The following EXOC6 variants were observed in gnomAD, a reference collection of about 807,000 sequenced individuals.
The protein encoded by EXOC6 is SEC15-like 1.
EXOC6 carries 60 observed loss-of-function variants against 112.5 expected under a neutral mutation model. That is an observed-to-expected ratio of 0.53 (90% CI 0.43 to 0.66). EXOC6 has a LOEUF of 0.66. Among genes scored for constraint, EXOC6 ranks in the 30% least tolerant of loss-of-function variants. EXOC6 has a pLI of 0.00. For missense variants in EXOC6, 855 were observed against 957.1 expected (o/e 0.89, Z 1.41); for synonymous variants, 295 against 308.0 (o/e 0.96, Z 0.44).
intron 6 of EXOC6, among the ~76,000 whole-genome samples, chr10:92,911,235 A>G (rs1344303790): frequency 6.6e-6 from 1 of 152,150 alleles, no homozygotes; most frequent in Non-Finnish European, 1.5e-5. Context: ...AAGTATTACA[A>G]ACTACTTTGG....
At chr10:93,012,860 A>G (rs956248211) in intron 19 of EXOC6, among the ~76,000 whole-genome samples, 2 of 151,942 alleles carry the variant, frequency 1.3e-5, no homozygotes, top group African/African-American at 4.8e-5. Context: ...GCAATACCCT[A>G]TCTCTACCAA....
chr10:92,980,093 T>C (rs1842775118), intron 18 of EXOC6, among the ~76,000 whole-genome samples: 1 of 152,142 alleles, frequency 6.6e-6, no homozygotes. Flanking sequence ...CTGCTAAATA[T>C]AGTATCTTCA....
intron 1 of EXOC6, among the ~76,000 whole-genome samples, chr10:92,867,601 T>A (rs1330232373): frequency 6.6e-6 from 1 of 152,132 alleles, no homozygotes; most frequent in Non-Finnish European, 1.5e-5. Flanking sequence ...TCCAAAACTA[T>A]TAAAAGATAA....
At chr10:92,913,238 T>C (rs1414163546) in intron 6 of EXOC6, among the ~76,000 whole-genome samples, 6 of 152,242 alleles carry the variant, frequency 3.9e-5, no homozygotes, top group Non-Finnish European at 8.8e-5. Flanking sequence ...ATACTGTTAA[T>C]GTTATTTGTT....
At chr10:92,971,496 T>G (rs1212405807) in intron 17 of EXOC6, among the ~76,000 whole-genome samples, 1 of 152,150 alleles carries the variant, frequency 6.6e-6, no homozygotes, top group African/African-American at 2.4e-5. Context: ...TGCCTCAGCC[T>G]CCCAAGTAGC....
chr10:92,999,304 C>A, intron 19 of EXOC6: 1 of 390,648 alleles, frequency 2.6e-6, no homozygotes, highest in Non-Finnish European at 5.0e-6. Context: ...CTCAAGTCAT[C>A]CTCCTGCCTT....
upstream of EXOC6, among the ~76,000 whole-genome samples, chr10:92,831,993 T>C (rs1468688744): frequency 6.6e-6 from 1 of 152,234 alleles, no homozygotes; most frequent in Non-Finnish European, 1.5e-5. Context: ...TATTTAGAAC[T>C]GGATCAGTCA....
rs1453096358 is a variant in EXOC6, at chr10:92,991,749, CTCTCTG to C, written c.1954-5723_1954-5718del. Among the ~76,000 whole-genome samples, 5 of 138,134 alleles carry C rather than the reference CTCTCTG, an allele frequency of 3.6e-5. No individual in the cohort carries two copies. In the East Asian group the frequency reaches 8.2e-4, roughly 23 times the overall value. 90.6% of individuals were successfully genotyped at this position (138,134 alleles called of 152,430 possible). ...TTTCTCTCTCTCTCTCTCTCTCTCT[CTCTCTG>C]TATGTGTGTGTGTCTTAAGAGTAGA... On this transcript the variant is annotated intron_variant, in intron 18 of 21. Coordinates refer to ENST00000260762, the MANE Select transcript of EXOC6 (RefSeq NM_019053.6).
chr10:92,912,368 A>G (rs1405356460), intron 6 of EXOC6, among the ~76,000 whole-genome samples: 1 of 152,024 alleles, frequency 6.6e-6, no homozygotes, highest in Non-Finnish European at 1.5e-5. Flanking sequence ...GAAATAATAG[A>G]CACACACAAG....
chr10:92,975,626 C>G (rs966658405), intron 18 of EXOC6, among the ~76,000 whole-genome samples: 23 of 143,190 alleles, frequency 1.6e-4, no homozygotes, highest in Non-Finnish European at 3.1e-4. Flanking sequence ...GGGGGGTCAG[C>G]CCCCTGCCCG....
At chr10:92,869,330 A>G (rs1848328555) in intron 1 of EXOC6, among the ~76,000 whole-genome samples, 1 of 151,046 alleles carries the variant, frequency 6.6e-6, no homozygotes, top group Non-Finnish European at 1.5e-5. Context: ...AAAAAATGAG[A>G]CAGGGTCGCA....
chr10:92,982,556 A>G lies in EXOC6; in HGVS notation c.1953+8324A>G, dbSNP rs374209513. Among the ~76,000 whole-genome samples, 21 of 152,352 alleles carry G rather than the reference A, an allele frequency of 1.4e-4. No individual in the cohort carries two copies. In the South Asian group the frequency reaches 4.4e-3, roughly 32 times the overall value. ...TATTTACTAGCACACCACTAAATAA[A>G]GCATAACTTTTAAAATCATGCTGTC... On this transcript the variant is annotated intron_variant, in intron 18 of 21. Transcript: ENST00000260762.
chr10:92,973,980 A>T, intron 17 of EXOC6, 73 bp from the exon 18 acceptor site: 1 of 1,200,956 alleles, frequency 8.3e-7, no homozygotes, highest in Non-Finnish European at 1.1e-6. Context: ...AATGTAAAAT[A>T]ATATCTAGAA....
chr10:92,910,241 G>C (rs1207935296), intron 6 of EXOC6, among the ~76,000 whole-genome samples: 3 of 152,184 alleles, frequency 2.0e-5, no homozygotes, highest in Admixed American at 2.0e-4. Context: ...TTCAGAAGGA[G>C]AATGGATACA....
intron 5 of EXOC6, among the ~76,000 whole-genome samples, chr10:92,902,386 C>T (rs1850224776): frequency 6.6e-6 from 1 of 151,948 alleles, no homozygotes; most frequent in South Asian, 2.1e-4. Context: ...CTTATCTCTT[C>T]TTTGACATTT....
At chr10:92,913,701 A>G (rs1339423866) in intron 6 of EXOC6, among the ~76,000 whole-genome samples, 1 of 152,110 alleles carries the variant, frequency 6.6e-6, no homozygotes, top group Admixed American at 6.5e-5. Flanking sequence ...TGTGTATACC[A>G]TTGTACTTTT....
chr10:93,047,491 GCAC>G (rs940854480), intron 20 of EXOC6, among the ~76,000 whole-genome samples: 47 of 151,932 alleles, frequency 3.1e-4, no homozygotes, highest in African/African-American at 1.1e-3. Context: ...AGGTGAGATT[GCAC>G]CACTGTACTC....
intron 17 of EXOC6, among the ~76,000 whole-genome samples, chr10:92,968,878 C>T (rs913426721): frequency 2.6e-5 from 4 of 152,054 alleles, no homozygotes; most frequent in Admixed American, 1.3e-4. Context: ...TTCCCATTTT[C>T]CCAAAACCGT....
At chr10:92,851,960 C>A (rs1045724145) in intron 1 of EXOC6, among the ~76,000 whole-genome samples, 2 of 151,964 alleles carry the variant, frequency 1.3e-5, no homozygotes, top group African/African-American at 4.8e-5. Flanking sequence ...CCCAGCTACT[C>A]GGGAGGCTAA....
Sources: gnomAD v4.1 joint callset for allele counts (sites outside exome capture counted in the v4.1 genomes callset) on GRCh38, gnomAD v4.1.1 for gene constraint, MANE v1.5 for transcripts, NCBI Gene and HGNC (gene_info 2026-07-23, HGNC 2026-07-21) for gene names.